The following ATP6V1E2 variants were observed in gnomAD, a reference collection of about 807,000 sequenced individuals.
The protein encoded by ATP6V1E2 is V-type proton ATPase subunit E 2.
For synonymous variants in ATP6V1E2, 121 were observed against 104.2 expected (o/e 1.16, Z -0.98); for missense variants, 308 against 273.3 (o/e 1.13, Z -0.90).
intron 4 of ATP6V1E2, among the ~76,000 whole-genome samples, chr2:46,523,690 C>T (rs1044321437): frequency 6.6e-6 from 1 of 152,064 alleles, no homozygotes; most frequent in African/African-American, 2.4e-5. Context: ...GTTCTTTTTG[C>T]TTAGGATTAT....
intron 4 of ATP6V1E2, among the ~76,000 whole-genome samples, chr2:46,528,615 A>T (rs912609686): frequency 3.3e-5 from 5 of 152,212 alleles, no homozygotes; most frequent in African/African-American, 1.2e-4. Context: ...TCTGCCTTGG[A>T]GGCTCCATGG....
chr2:46,535,339 T>C lies in ATP6V1E2; in HGVS notation c.-102+474A>G, dbSNP rs1361678766. On this transcript the variant is annotated intron_variant, in intron 4 of 4. Transcript: ENST00000522587. The surrounding 1 kb of genome is among the most constrained non-coding windows in gnomAD (Gnocchi z 4.4). ...GAAGCACATTAATAAAGTGATCTGC[T>C]TCTCCAGTCTCTTCTCAGGAGCCTG... 1 of 152,230 alleles carries C rather than the reference T, an allele frequency of 6.6e-6. No individual in the cohort carries two copies. The highest frequency in any genetic ancestry group is 1.5e-5 in the Non-Finnish European group (1 of 68,034). 9.4% of individuals were successfully genotyped at this position (152,230 alleles called of 1,614,324 possible). A position where few individuals can be genotyped will look rare whatever the true frequency, so the allele number is the denominator to read the frequency against.
intron 1 of ATP6V1E2, 196 bp downstream of exon 1, chr2:46,542,021 G>T (rs1667804589): frequency 6.6e-6 from 1 of 152,128 alleles, no homozygotes; most frequent in Non-Finnish European, 1.5e-5. Context: ...TGTGTGTGGA[G>T]GGGCGTGCTT....
chr2:46,514,902 C>A (rs2084679), intron 4 of ATP6V1E2, among the ~76,000 whole-genome samples: 49,615 of 151,770 alleles, frequency 0.33, 8,302 homozygotes, highest in Middle Eastern at 0.37. Context: ...AGAGCCATCA[C>A]ATATAAGGGA....
intron 3 of ATP6V1E2, 134 bp downstream of exon 3, chr2:46,536,477 G>C (rs1481573113): frequency 6.6e-6 from 1 of 152,486 alleles, no homozygotes; most frequent in Non-Finnish European, 1.5e-5. Context: ...GGATGCTGCA[G>C]GGAAGGCCAA....
At position 46,512,481 on chromosome 2, in the gene ATP6V1E2, A is replaced by C; in HGVS notation, c.231T>G (p.Asn77Lys). The C allele has an allele frequency of 6.2e-7, 1 of 1,614,156 alleles. No homozygotes were observed. ...CTCTCAGGACTTTCAGCCTCGCCTG[A>C]TTCCTCATGGTGGACATCAGGATTT... Reference protein sequence around the residue: ...QKKILMSTMRNQARLKVLRAR... With the variant: ...QKKILMSTMRKQARLKVLRAR... The change falls in exon 5 of 5, where the codon AAT becomes AAG. Residue 77 changes from asparagine (N) to lysine (K), a missense_variant. Transcript: ENST00000522587.
intron 4 of ATP6V1E2, among the ~76,000 whole-genome samples, chr2:46,525,310 A>C (rs1182773744): frequency 6.6e-6 from 1 of 151,678 alleles, no homozygotes; most frequent in Non-Finnish European, 1.5e-5. Flanking sequence ...AAAATTCAAA[A>C]AATTAGCCGG....
intron 4 of ATP6V1E2, among the ~76,000 whole-genome samples, chr2:46,526,876 T>TA (rs1168085552): frequency 6.6e-6 from 1 of 152,204 alleles, no homozygotes; most frequent in Non-Finnish European, 1.5e-5. Context: ...TGCTTTCACT[T>TA]CTTTGGGGTA....
rs924481874 is a variant in ATP6V1E2 at position 46,535,057 on chromosome 2, C to T, written c.-102+756G>A. 1 of 152,160 alleles carries T rather than the reference C, an allele frequency of 6.6e-6. No individual in the cohort carries two copies. The highest frequency in any genetic ancestry group is 1.5e-5 in the Non-Finnish European group (1 of 68,032). The allele number at this position is 152,160 out of a possible 1,614,324, so 9.4% of individuals were successfully genotyped here. On this transcript the variant is annotated intron_variant, in intron 4 of 4. Transcript: ENST00000522587. The surrounding 1 kb of genome is among the most constrained non-coding windows in gnomAD (Gnocchi z 4.4). ...AACTATCTCCTCAACTCAGCAAGAC[C>T]ACTATGCTCTGCTTGGGTTCCCCCT... is the stretch of plus-strand genomic sequence containing the variant.
chr2:46,512,507 T>C lies in ATP6V1E2; in HGVS notation c.205A>G (p.Lys69Glu). The C allele has an allele frequency of 6.2e-7, 1 of 1,614,228 alleles. No individual in the cohort carries two copies. The highest frequency in any genetic ancestry group is 1.1e-5 in the South Asian group (1 of 91,084). The change falls in exon 5 of 5, where the codon AAA becomes GAA. Residue 69 changes from lysine to glutamate, a missense_variant. By Grantham distance (56) the Lys-to-Glu change is moderately conservative. Transcript: ENST00000522587. ...KKEKQIEQQKKILMSTMRNQA... is the reference protein window; with the variant it reads ...KKEKQIEQQKEILMSTMRNQA... ...TTCCTCATGGTGGACATCAGGATTTTCTTCTGCTGCTCTATCTGCTTCTCC... is the reference window on the plus strand; with the variant it reads ...TTCCTCATGGTGGACATCAGGATTTCCTTCTGCTGCTCTATCTGCTTCTCC...
At chr2:46,533,266 G>GT (rs1667278604) in intron 4 of ATP6V1E2, among the ~76,000 whole-genome samples, 2 of 150,696 alleles carry the variant, frequency 1.3e-5, no homozygotes, top group Admixed American at 6.6e-5. Context: ...ATGGTTTGGG[G>GT]TTTTTTTGTT....
At chr2:46,537,283 A>G (rs1156298061) in intron 2 of ATP6V1E2, 3 of 152,216 alleles carry the variant, frequency 2.0e-5, no homozygotes, top group Admixed American at 2.0e-4. Context: ...ATGCCCAATT[A>G]GGATAGTCCC....
chr2:46,512,411 T>G lies in ATP6V1E2; in HGVS notation c.301A>C (p.Arg101=). The G allele has an allele frequency of 1.2e-6, 2 of 1,614,186 alleles. No homozygotes were observed. Among genetic ancestry groups the G allele is most frequent in the Non-Finnish European group, 1.7e-6 (2 of 1,180,038 alleles). ...ISDLLSEAKL[R]LSRIVEDPEV... Reference sequence around the variant, plus strand: ...GGGTCCTCCACAATCCTGCTGAGTCTCAGCTTCGCCTCACTGAGCAAATCT... The same window carrying G: ...GGGTCCTCCACAATCCTGCTGAGTCGCAGCTTCGCCTCACTGAGCAAATCT... The change falls in exon 5 of 5, where the codon AGA becomes CGA. Residue 101 remains arginine, a synonymous_variant. Transcript: ENST00000522587.
chr2:46,528,680 C>T lies in ATP6V1E2; in HGVS notation c.-102+7133G>A, dbSNP rs139075312. The stretch of plus-strand genomic sequence containing the variant: ...AGGACTGGGCATCAGAGGTTCAGAC[C>T]CCAGTCCTGATGCTACTCGTAGGTT... On this transcript the variant is annotated intron_variant, in intron 4 of 4. Coordinates refer to ENST00000522587, the MANE Select transcript of ATP6V1E2 (RefSeq NM_001318063.2). Among the ~76,000 whole-genome samples the T allele has an allele frequency of 1.9e-3, 293 of 152,270 alleles. 1 individual carries two copies. The highest frequency in any genetic ancestry group is 6.5e-3 in the African/African-American group (272 of 41,554).
Position 46,530,266 on chromosome 2 carries a change from C to G in ATP6V1E2, c.-102+5547G>C, listed in dbSNP as rs920027576. 1.3e-5 allele frequency among the ~76,000 whole-genome samples: 2 copies of G among 152,138 alleles called. No homozygotes were observed. On this transcript the variant is annotated intron_variant, in intron 4 of 4. Transcript: ENST00000522587. The surrounding 1 kb of genome is among the most constrained non-coding windows in gnomAD (Gnocchi z 5.2). ...GCCAGGAGAGAAGCACTGGGCTGAA[C>G]AGAAGCTGAGAAGAGGTTCAGGCCT...
At chr2:46,534,125 T>G (rs6710489) in intron 4 of ATP6V1E2, among the ~76,000 whole-genome samples, 1 of 152,066 alleles carries the variant, frequency 6.6e-6, no homozygotes, top group Non-Finnish European at 1.5e-5. Context: ...TTCATGAAAT[T>G]TGGGACTTGT....
chr2:46,512,256 G>A lies in ATP6V1E2; in HGVS notation c.456C>T (p.Ile152=). The change falls in exon 5 of 5, where the codon ATC becomes ATT. Residue 152 remains isoleucine, a synonymous_variant. Coordinates refer to ENST00000522587, the MANE Select transcript of ATP6V1E2 (RefSeq NM_001318063.2). ...LLVEAAVQKA[I]PEYMTISQKH... Reference sequence around the variant, plus strand: ...TCTGGGAAATTGTCATGTACTCGGGGATGGCTTTTTGTACAGCAGCCTCCA... The same window carrying A: ...TCTGGGAAATTGTCATGTACTCGGGAATGGCTTTTTGTACAGCAGCCTCCA... 6.2e-7 allele frequency: 1 copy of A among 1,613,512 alleles called. No homozygotes were observed. Among genetic ancestry groups the A allele is most frequent in the Non-Finnish European group, 8.5e-7 (1 of 1,179,662 alleles).
chr2:46,526,784 G>C lies in ATP6V1E2; in HGVS notation c.-102+9029C>G, dbSNP rs141830034. ...TATTTTGTCTATTCATCCATTCATA[G>C]AGACTTGGGGTGCTCTCCTTTCTTG... On this transcript the variant is annotated intron_variant, in intron 4 of 4. Coordinates refer to ENST00000522587, the MANE Select transcript of ATP6V1E2 (RefSeq NM_001318063.2). Among the ~76,000 whole-genome samples, 187 of 152,262 alleles carry C rather than the reference G, an allele frequency of 1.2e-3. 1 individual carries two copies. Among genetic ancestry groups the C allele is most frequent in the African/African-American group, 4.1e-3 (170 of 41,542 alleles).
intron 4 of ATP6V1E2, among the ~76,000 whole-genome samples, chr2:46,525,528 C>CTTGGGAGA (rs1396887482): frequency 2.7e-5 from 4 of 149,826 alleles, no homozygotes; most frequent in African/African-American, 9.8e-5. Flanking sequence ...GGCGAGCAAG[C>CTTGGGAGA]TTGGGAGAGA....
Sources: gnomAD v4.1 joint callset for allele counts (sites outside exome capture counted in the v4.1 genomes callset) on GRCh38, gnomAD v4.1.1 for gene constraint, Gnocchi (gnomAD v3.1) non-coding constraint, MANE v1.5 for transcripts, NCBI Gene and HGNC (gene_info 2026-07-23, HGNC 2026-07-21) for gene names.